TRIM14: variants seen among roughly 807,000 people sequenced by gnomAD.
The protein encoded by TRIM14 is tripartite motif containing 14, also known as tripartite motif-containing protein 14.
Under a neutral mutation model 44.5 loss-of-function variants are expected in TRIM14, and 28 were observed. The ratio of observed to expected loss-of-function variants is 0.63; its 90% CI spans 0.47 to 0.86. The LOEUF (loss-of-function observed/expected upper bound fraction) is 0.86, where lower values mean the gene tolerates loss of function less well. Among genes scored for constraint, TRIM14 ranks in the 40% least tolerant of loss-of-function variants. The probability of loss-of-function intolerance (pLI) is 0.00; values close to 1 mark genes in which losing one functional copy is unlikely to be tolerated. For missense variants in TRIM14, 607 were observed against 611.1 expected, an observed-to-expected ratio of 0.99 and a Z score of 0.07; for synonymous variants, 299 against 269.2, an observed-to-expected ratio of 1.11 and a Z score of -1.08.
intron 4 of TRIM14, among the ~76,000 whole-genome samples, chr9:98,093,319 ACGTAACAG>A (rs1174530563): frequency 6.6e-6 from 1 of 152,036 alleles, no homozygotes; most frequent in African/African-American, 2.4e-5. Context: ...CCTCCCCCAG[ACGTAACAG>A]CAGCAGCAAT....
chr9:98,088,391 G>C (rs1449434828), intron 5 of TRIM14, among the ~76,000 whole-genome samples: 1 of 151,152 alleles, frequency 6.6e-6, no homozygotes, highest in Non-Finnish European at 1.5e-5. Flanking sequence ...GTCTCGCTCT[G>C]TTGCCCAGGC....
chr9:98,092,110 C>T (rs937101849), intron 4 of TRIM14, 109 bp from the exon 5 acceptor site: 2 of 786,146 alleles, frequency 2.5e-6, no homozygotes, highest in African/African-American at 3.5e-5. Context: ...GCCCAAGAGC[C>T]AGGCAGATTT....
rs1343468161 is a variant in TRIM14, at chr9:98,098,538, C to T, written c.537+1393G>A. 3.4e-5 allele frequency among the ~76,000 whole-genome samples: 5 copies of T among 148,500 alleles called. No homozygotes were observed. In the East Asian group the frequency reaches 1.0e-3, roughly 30 times the overall value. ...CATCCTGGCTAACATGGTGAAACCCCATCTCTACTAAAAAATACAAAAAAT... is the reference window on the plus strand; with the variant it reads ...CATCCTGGCTAACATGGTGAAACCCTATCTCTACTAAAAAATACAAAAAAT... On this transcript the variant is annotated intron_variant, in intron 3 of 5. Transcript: ENST00000341469.
Position 98,101,448 on chromosome 9 carries a change from G to A in TRIM14, c.304-1284C>T, listed in dbSNP as rs182275795. On this transcript the variant is annotated intron_variant, in intron 2 of 5. Coordinates refer to ENST00000341469, the MANE Select transcript of TRIM14 (RefSeq NM_014788.4). ...ATCAATTTTTTTTTTTTTTTCAGAC[G>A]AAGTTTTGCTCTTGTCGCCTAGGCT... Among the ~76,000 whole-genome samples the A allele has an allele frequency of 7.3e-3, 1,085 of 148,588 alleles. 7 individuals are homozygous for A. Among genetic ancestry groups the A allele is most frequent in the Middle Eastern group, 0.014 (4 of 284 alleles).
intron 6 of TRIM14, among the ~76,000 whole-genome samples, chr9:98,070,499 C>A (rs1342938164): frequency 6.6e-6 from 1 of 152,090 alleles, no homozygotes; most frequent in African/African-American, 2.4e-5. Flanking sequence ...TGGCTCACTG[C>A]AACTTCTGCC....
At chr9:98,109,537 T>C (rs887010970) in intron 2 of TRIM14, among the ~76,000 whole-genome samples, 1 of 152,170 alleles carries the variant, frequency 6.6e-6, no homozygotes, top group African/African-American at 2.4e-5. Flanking sequence ...TAAAGAGATA[T>C]CTGCATATTC....
chr9:98,106,567 T>C (rs1373512477), intron 2 of TRIM14, among the ~76,000 whole-genome samples: 2 of 152,248 alleles, frequency 1.3e-5, no homozygotes, highest in Admixed American at 1.3e-4. Context: ...AGGTTTAAAA[T>C]GCTGACTATT....
At chr9:98,089,857 G>T (rs1053953272) in intron 5 of TRIM14, among the ~76,000 whole-genome samples, 1 of 152,156 alleles carries the variant, frequency 6.6e-6, no homozygotes, top group Non-Finnish European at 1.5e-5. Context: ...AGGCGGTACC[G>T]TTAAGGGCAG....
At chr9:98,081,593 C>G (rs942535199), downstream of TRIM14, 5 of 153,942 alleles carry the variant, frequency 3.2e-5, no homozygotes, top group African/African-American at 1.2e-4. Context: ...GCAACAGTGA[C>G]CTTCAGACAG....
chr9:98,064,856 C>T (rs530506371), downstream of TRIM14, among the ~76,000 whole-genome samples: 21 of 152,338 alleles, frequency 1.4e-4, no homozygotes, highest in Non-Finnish European at 2.2e-4. Flanking sequence ...GCATGCACCA[C>T]GCTCGGTACC....
chr9:98,072,809 A>C lies in TRIM14; in HGVS notation c.*29-3122T>G, dbSNP rs1213012544. ...GTTCCTTGTTCTGTATTTACCTAGC[A>C]AGTGGCTCCCAGTGTTTACCTACCC... is the stretch of plus-strand genomic sequence containing the variant. On this transcript the variant is annotated intron_variant, in intron 6 of 6. Transcript: ENST00000375098. Among the ~76,000 whole-genome samples the C allele has an allele frequency of 2.0e-5, 3 of 152,124 alleles. No homozygotes were observed. In the East Asian group the frequency reaches 5.8e-4, roughly 29 times the overall value.
Position 98,109,977 on chromosome 9 carries a change from C to T in TRIM14, c.215G>A (p.Ser72Asn), listed in dbSNP as rs769126916. ...TGCCAGCTGCTTTAAACATTCTTGG[C>T]TGAGTTTCTGTACAGGAGGGAGTTA... ...LEAAVHVQKL[S>N]QECLKQLAIK... is the part of the protein sequence containing the mutation. Residue 72 changes from serine to asparagine, a missense_variant, in exon 2 of 6, where the codon AGC becomes AAC. By Grantham distance (46) the Ser-to-Asn change is conservative. Around this residue, in one of 3 missense-constraint regions of TRIM14, gnomAD observed 246 missense variants for 270.8 expected, o/e 0.91. Transcript: ENST00000341469. 2.9e-5 allele frequency: 46 copies of T among 1,613,692 alleles called. No homozygotes were observed. Among genetic ancestry groups the T allele is most frequent in the South Asian group, 1.1e-5 (1 of 91,056 alleles).
chr9:98,099,800 C>G (rs951708340), intron 3 of TRIM14, 131 bp downstream of exon 3: 1 of 749,866 alleles, frequency 1.3e-6, no homozygotes, highest in Non-Finnish European at 2.2e-6. Context: ...GGGGGCAAGA[C>G]AGTCTACATG....
chr9:98,116,088 T>C (rs1327065317), intron 1 of TRIM14: 1 of 151,850 alleles, frequency 6.6e-6, no homozygotes, highest in Non-Finnish European at 1.5e-5. Flanking sequence ...TCACTTGAGG[T>C]CGGAGTTTTC....
Position 98,119,135 on chromosome 9 carries a change from C to T in TRIM14, c.54G>A (p.Glu18=), listed in dbSNP as rs1488252724. The T allele has an allele frequency of 1.9e-6, 3 of 1,586,870 alleles. No homozygotes were observed. The highest frequency in any genetic ancestry group is 4.6e-5 in the East Asian group (2 of 43,164). ...SRTPGRSELV[E]GCGWRCPEHG... is the part of the protein sequence containing the mutation. The stretch of plus-strand genomic sequence containing the variant: ...GCTCCGGGCAGCGCCAGCCGCATCC[C>T]TCGACAAGCTCCGACCTCCCAGGGG... Residue 18 remains glutamate, a synonymous_variant, in exon 1 of 6, where the codon GAG becomes GAA. Coordinates refer to ENST00000341469, the MANE Select transcript of TRIM14 (RefSeq NM_014788.4).
At chr9:98,101,738 T>C (rs1020272457) in intron 2 of TRIM14, among the ~76,000 whole-genome samples, 2 of 152,136 alleles carry the variant, frequency 1.3e-5, no homozygotes, top group Non-Finnish European at 2.9e-5. Flanking sequence ...TTAAATACAT[T>C]TATTCTTTCA....
the TRIM14 span, among the ~76,000 whole-genome samples, chr9:98,043,281 G>A: frequency 2.0e-5 from 3 of 151,830 alleles, no homozygotes; most frequent in African/African-American, 7.3e-5. Context: ...GGGTTCAAGC[G>A]ATTCTTCCGC....
At chr9:98,080,705 C>T, downstream of TRIM14, 15 of 1,239,914 alleles carry the variant, frequency 1.2e-5, no homozygotes, top group Non-Finnish European at 1.7e-5. Flanking sequence ...TTGCCCCTGG[C>T]TGCACAGCTA....
intron 3 of TRIM14, among the ~76,000 whole-genome samples, chr9:98,099,425 C>T (rs533205149): frequency 8.3e-4 from 120 of 145,116 alleles, no homozygotes; most frequent in African/African-American, 3.0e-3. Context: ...GTACTCCGGC[C>T]TGGGCAACAA....
Sources: gnomAD v4.1 joint callset for allele counts (sites outside exome capture counted in the v4.1 genomes callset) on GRCh38, gnomAD v4.1.1 for gene constraint, gnomAD v4.1.1 regional missense constraint, MANE v1.5 for transcripts, NCBI Gene and HGNC (gene_info 2026-07-23, HGNC 2026-07-21) for gene names.